The following LFNG variants were observed in gnomAD, a reference collection of about 807,000 sequenced individuals.
LFNG encodes beta-1,3-N-acetylglucosaminyltransferase lunatic fringe.
LFNG carries 15 observed loss-of-function variants against 32.7 expected under a neutral mutation model. That is an observed-to-expected ratio of 0.46 (90% confidence interval 0.31 to 0.71). LFNG has a LOEUF of 0.71. Ranked by LOEUF, LFNG falls within the 30% of genes least tolerant of loss-of-function variation. LFNG has a pLI of 0.06. For missense variants in LFNG, 520 were observed against 545.7 expected, an observed-to-expected ratio of 0.95 and a Z score of 0.47; for synonymous variants, 274 against 246.8, an observed-to-expected ratio of 1.11 and a Z score of -1.03.
At chr7:2,517,658 G>A, upstream of LFNG, 1 of 455,314 alleles carries the variant, frequency 2.2e-6, no homozygotes, top group Non-Finnish European at 4.4e-6. Context: ...TGTCAGGTGG[G>A]GTGCAGGGTG....
intron 1 of LFNG, among the ~76,000 whole-genome samples, chr7:2,522,567 C>CCCCGG (rs79843334): frequency 6.6e-6 from 1 of 151,236 alleles, no homozygotes; most frequent in Non-Finnish European, 1.5e-5. Flanking sequence ...CTGTGGGTGT[C>CCCCGG]CCCCGGCCCC....
chr7:2,513,301 G>T (rs747930822), upstream of LFNG: 1 of 1,609,058 alleles, frequency 6.2e-7, no homozygotes, highest in African/African-American at 1.3e-5. Context: ...CAGCTCTCAG[G>T]TCCTACGGAG....
upstream of LFNG, among the ~76,000 whole-genome samples, chr7:2,519,635 A>G (rs1443676324): frequency 1.3e-5 from 2 of 148,764 alleles, no homozygotes; most frequent in Non-Finnish European, 3.0e-5. Flanking sequence ...CCCAGCCCCC[A>G]GCCGCGGCCC....
chr7:2,528,992 G>C, downstream of LFNG: 1 of 487,208 alleles, frequency 2.1e-6, no homozygotes, highest in South Asian at 2.9e-5. Flanking sequence ...CCCACAGCTG[G>C]TAATGCTGCA....
chr7:2,513,944 C>A (rs886256828), upstream of LFNG, among the ~76,000 whole-genome samples: 2 of 152,246 alleles, frequency 1.3e-5, no homozygotes, highest in African/African-American at 4.8e-5. Context: ...GCCCTGGCCT[C>A]CAGGCTGAGG....
In LFNG at chr7:2,519,798, G is replaced by A; in HGVS notation, c.-64G>A. The stretch of plus-strand genomic sequence containing the variant: ...TGCTGGACTGCGCCGCCGGAGCGAC[G>A]GGCTTCGGGTCGGTGCAAGGCAGGC... On this transcript the variant is annotated 5_prime_UTR_variant, in exon 1 of 8. Coordinates refer to ENST00000222725, the MANE Select transcript of LFNG (RefSeq NM_001040167.2). 1 of 953,044 alleles carries A rather than the reference G, an allele frequency of 1.0e-6. No individual in the cohort carries two copies. Among genetic ancestry groups the A allele is most frequent in the Non-Finnish European group, 1.3e-6 (1 of 791,438 alleles). The allele number at this position is 953,044 out of a possible 1,614,324, so 59.0% of individuals were successfully genotyped here.
rs1780017404 is a variant in LFNG, at chr7:2,527,285, T to C, written c.*73T>C. 6.3e-7 allele frequency: 1 copy of C among 1,585,410 alleles called. No individual in the cohort carries two copies. On this transcript the variant is annotated 3_prime_UTR_variant, in exon 8 of 8. Transcript: ENST00000222725. This position sits in a 1 kb window ranked among gnomAD's most constrained non-coding sequence, Gnocchi z 4.4. Reference sequence around the variant, plus strand: ...GCCCAGGGACCCTGTTGCGCTGCCCTGGCCTCGGCATTCGAGGCTCCCCTA... The same window carrying C: ...GCCCAGGGACCCTGTTGCGCTGCCCCGGCCTCGGCATTCGAGGCTCCCCTA...
chr7:2,513,156 G>C (rs1157576995), upstream of LFNG: 10 of 1,613,568 alleles, frequency 6.2e-6, no homozygotes, highest in Non-Finnish European at 7.6e-6. Context: ...CCTTCCCCCA[G>C]TGCCAAGCAG....
rs780069918 is a variant in LFNG, at chr7:2,525,302, A to G, written c.565A>G (p.Ile189Val). 1.2e-6 allele frequency: 2 copies of G among 1,612,994 alleles called. No homozygotes were observed. The highest frequency in any genetic ancestry group is 3.3e-5 in the Admixed American group (2 of 60,016). Residue 189 changes from isoleucine (I) to valine (V), a missense_variant, in exon 3 of 8, where the codon ATC becomes GTC. This residue lies in a region of LFNG where 360 missense variants were observed against 354.7 expected (regional missense o/e 1.01). Transcript: ENST00000222725. ...CKMAVEYDRFIESGRKWFCHV... is the reference protein window; with the variant it reads ...CKMAVEYDRFVESGRKWFCHV... ...GATGGCCGTGGAGTATGACCGCTTCATCGAGTCCGGCAGGAAGTGAGTGTG... is the reference window on the plus strand; with the variant it reads ...GATGGCCGTGGAGTATGACCGCTTCGTCGAGTCCGGCAGGAAGTGAGTGTG...
chr7:2,527,430 G>A lies in LFNG; in HGVS notation c.*218G>A, dbSNP rs1780026895. 6.9e-7 allele frequency: 1 copy of A among 1,446,634 alleles called. No individual in the cohort carries two copies. Among genetic ancestry groups the A allele is most frequent in the Admixed American group, 2.4e-5 (1 of 41,362 alleles). 89.6% of individuals were successfully genotyped at this position (1,446,634 alleles called of 1,614,324 possible). On this transcript the variant is annotated 3_prime_UTR_variant, in exon 8 of 8. Transcript: ENST00000222725. The surrounding 1 kb of genome is among the most constrained non-coding windows in gnomAD (Gnocchi z 4.4). ...GGGCGGGCACCAGCGCCACTTATGT[G>A]CCTCTGCTCCGAGGGCCAGTGGGCT...
chr7:2,514,806 CGGT>C (rs1562548584), upstream of LFNG, among the ~76,000 whole-genome samples: 13 of 112,448 alleles, frequency 1.2e-4, no homozygotes, highest in Non-Finnish European at 2.6e-4. Flanking sequence ...ATTCATCTGT[CGGT>C]CTGTCTGTCC....
At chr7:2,528,918 A>T (rs1780076348), downstream of LFNG, 2 of 517,272 alleles carry the variant, frequency 3.9e-6, no homozygotes, top group Admixed American at 3.8e-5. Context: ...AAGGTCCAGC[A>T]GCCATGCTGG....
At chr7:2,528,529 C>A, downstream of LFNG, 1 of 561,860 alleles carries the variant, frequency 1.8e-6, no homozygotes, top group Non-Finnish European at 2.3e-6. Context: ...GCCTTGGGTG[C>A]ACCGCATGGA....
upstream of LFNG, among the ~76,000 whole-genome samples, chr7:2,513,780 G>C (rs540331416): frequency 6.6e-6 from 1 of 152,358 alleles, no homozygotes; most frequent in South Asian, 2.1e-4. Context: ...TCTGCAGGAC[G>C]TCAGTAAGTG....
chr7:2,519,967 G>T lies in LFNG; in HGVS notation c.106G>T (p.Glu36Ter). Residue 36 changes from glutamate (E) to a stop codon, truncating the protein, a stop_gained, in exon 1 of 8, where the codon GAG (glutamate) becomes TAG (stop). Transcript: ENST00000222725. LOFTEE classifies it high-confidence loss of function. ...ADPPPPPLPA[E>*]RGRRALRSLA... ...CCCGCCGCCGCCTCCACTGCCCGCC[G>T]AGCGCGGCCGGCGCGCGCTGCGCAG... 1 of 985,574 alleles carries T rather than the reference G, an allele frequency of 1.0e-6. No homozygotes were observed. The highest frequency in any genetic ancestry group is 4.6e-5 in the South Asian group (1 of 21,808). The allele number at this position is 985,574 out of a possible 1,614,324, so 61.1% of individuals were successfully genotyped here. A position where few individuals can be genotyped will look rare whatever the true frequency, so the allele number is the denominator to read the frequency against.
chr7:2,524,183 G>A (rs1442404670), intron 1 of LFNG, among the ~76,000 whole-genome samples: 2 of 152,170 alleles, frequency 1.3e-5, no homozygotes, highest in East Asian at 1.9e-4. Context: ...GCCGCCCAGC[G>A]AAGGCCTTTG....
At chr7:2,523,876 T>C (rs1175005251) in intron 1 of LFNG, among the ~76,000 whole-genome samples, 1 of 152,146 alleles carries the variant, frequency 6.6e-6, no homozygotes, top group Non-Finnish European at 1.5e-5. Flanking sequence ...CAGGGCTGCT[T>C]TGGCTCAGAG....
At chr7:2,524,985 G>A (rs917937895) in intron 2 of LFNG, among the ~76,000 whole-genome samples, 2 of 152,262 alleles carry the variant, frequency 1.3e-5, no homozygotes, top group African/African-American at 4.8e-5. Flanking sequence ...CAGGTGGCGG[G>A]TGCTGGGAAA....
At chr7:2,519,577 C>G (rs1054400747), upstream of LFNG, among the ~76,000 whole-genome samples, 1 of 150,510 alleles carries the variant, frequency 6.6e-6, no homozygotes, top group Non-Finnish European at 1.5e-5. Flanking sequence ...GGGTGCGGGG[C>G]GTGCACGTGC....
Sources: gnomAD v4.1 joint callset for allele counts (sites outside exome capture counted in the v4.1 genomes callset) on GRCh38, gnomAD v4.1.1 for gene constraint, gnomAD v4.1.1 regional missense constraint, Gnocchi (gnomAD v3.1) non-coding constraint, MANE v1.5 for transcripts, NCBI Gene and HGNC (gene_info 2026-07-23, HGNC 2026-07-21) for gene names.